Variants in HOOK1 observed in about 807,000 individuals in gnomAD.
HOOK1 encodes the protein hook microtubule tethering protein 1, also known as protein Hook homolog 1.
Under a neutral mutation model 112.8 loss-of-function variants are expected in HOOK1, and 60 were observed. That is an observed-to-expected ratio of 0.53 (90% CI 0.43 to 0.66). The LOEUF is 0.66. Among genes scored for constraint, HOOK1 ranks in the 30% least tolerant of loss-of-function variants. The pLI is 0.00. For synonymous variants in HOOK1, 294 were observed against 283.8 expected (o/e 1.04, Z -0.36); for missense variants, 770 against 856.0 (o/e 0.90, Z 1.25).
intron 9 of HOOK1, among the ~76,000 whole-genome samples, chr1:59,845,205 A>G (rs2098403054): frequency 6.6e-6 from 1 of 151,826 alleles, no homozygotes; most frequent in African/African-American, 2.4e-5. Flanking sequence ...CCTCTTTCAT[A>G]AGAGCACTAA....
chr1:59,853,536 G>C (rs1325902824), intron 12 of HOOK1, among the ~76,000 whole-genome samples: 1 of 151,594 alleles, frequency 6.6e-6, no homozygotes, highest in East Asian at 1.9e-4. Context: ...ATTTTTAATC[G>C]ATTCTGCCAG....
intron 7 of HOOK1, among the ~76,000 whole-genome samples, 191 bp from the exon 8 acceptor site, chr1:59,840,117 C>T (rs538022157): frequency 7.9e-5 from 12 of 152,110 alleles, no homozygotes; most frequent in African/African-American, 2.4e-4. Context: ...ATTTTCACAT[C>T]GATGTTCATC....
intron 21 of HOOK1, among the ~76,000 whole-genome samples, chr1:59,871,691 G>A (rs1016268519): frequency 5.9e-5 from 9 of 152,194 alleles, no homozygotes; most frequent in African/African-American, 1.9e-4. Context: ...ATTTCATGAT[G>A]TATATGGTTC....
chr1:59,871,131 T>C, intron 21 of HOOK1, 21 bp downstream of exon 21: 2 of 1,564,758 alleles, frequency 1.3e-6, no homozygotes, highest in Non-Finnish European at 1.8e-6. Context: ...GTTCAGCAAA[T>C]GATTGGATGA....
At chr1:59,833,814 G>A (rs1415976843) in intron 5 of HOOK1, among the ~76,000 whole-genome samples, 4 of 152,096 alleles carry the variant, frequency 2.6e-5, no homozygotes, top group African/African-American at 9.7e-5. Context: ...TTAGTGGATA[G>A]TCAATAAAAA....
chr1:59,863,375 A>C (rs1437288007), intron 16 of HOOK1, among the ~76,000 whole-genome samples: 1 of 152,178 alleles, frequency 6.6e-6, no homozygotes, highest in African/African-American at 2.4e-5. Context: ...GAAGGACAGA[A>C]ACTTTAATGC....
At chr1:59,842,415 G>A (rs1303958770) in intron 8 of HOOK1, among the ~76,000 whole-genome samples, 1 of 152,080 alleles carries the variant, frequency 6.6e-6, no homozygotes, top group African/African-American at 2.4e-5. Context: ...AGGCATGGAT[G>A]CATGCATTGA....
intron 7 of HOOK1, among the ~76,000 whole-genome samples, chr1:59,840,066 T>C (rs888728554): frequency 2.0e-5 from 3 of 152,192 alleles, no homozygotes; most frequent in African/African-American, 7.2e-5. Flanking sequence ...GATAAGCTTT[T>C]TGAGTGCTGC....
chr1:59,846,592 T>TCCCTCCCTCCTC (rs374267510), intron 9 of HOOK1, among the ~76,000 whole-genome samples: 2 of 43,348 alleles, frequency 4.6e-5, no homozygotes, highest in African/African-American at 2.5e-4. Flanking sequence ...CCTTCCTCCC[T>TCCCTCCCTCCTC]CCTCCCTCCC....
chr1:59,828,716 C>T, intron 2 of HOOK1, 64 bp from the exon 3 acceptor site: 1 of 1,395,484 alleles, frequency 7.2e-7, no homozygotes, highest in Non-Finnish European at 1.0e-6. Flanking sequence ...TCTGTTGGCT[C>T]TATTTAATTT....
In HOOK1 at chr1:59,865,917, A is replaced by C; in HGVS notation, c.1790A>C (p.Glu597Ala). Reference sequence around the variant, plus strand: ...GAAGCTGCTCTTCAGAAGAAAGATGAAGATATGAAAGCAATGGAGGAAAGA... The same window carrying C: ...GAAGCTGCTCTTCAGAAGAAAGATGCAGATATGAAAGCAATGGAGGAAAGA... ...ELEAALQKKD[E>A]DMKAMEERYK... Residue 597 changes from glutamate (E) to alanine (A), a missense_variant, in exon 19 of 22, where the codon GAA becomes GCA. Glu to Ala is a moderately radical substitution (Grantham distance 107). Transcript: ENST00000371208. The C allele has an allele frequency of 6.3e-7, 1 of 1,597,610 alleles. No individual in the cohort carries two copies. The highest frequency in any genetic ancestry group is 8.5e-7 in the Non-Finnish European group (1 of 1,172,406).
chr1:59,869,393 C>G (rs772605994), intron 20 of HOOK1, among the ~76,000 whole-genome samples: 1 of 152,002 alleles, frequency 6.6e-6, no homozygotes, highest in Non-Finnish European at 1.5e-5. Context: ...GGTTTTGCCA[C>G]GTTGGCCAGG....
intron 6 of HOOK1, 148 bp downstream of exon 6, chr1:59,835,560 A>C (rs2098397009): frequency 5.4e-6 from 3 of 559,882 alleles, no homozygotes; most frequent in South Asian, 5.3e-5. Flanking sequence ...TTTTACCCCC[A>C]AAAATATTTT....
In HOOK1 at chr1:59,862,787, G is replaced by A; in HGVS notation, c.1536G>A (p.Leu512=). The A allele has an allele frequency of 6.2e-7, 1 of 1,604,702 alleles. No homozygotes were observed. The highest frequency in any genetic ancestry group is 1.7e-5 in the Admixed American group (1 of 59,970). Residue 512 remains leucine (L), a synonymous_variant, in exon 16 of 22, where the codon CTG becomes CTA. Transcript: ENST00000371208. ...KMNELETEQR[L]SKERIRELQQ... ...CTTATGACCCATCTTACAATAGGCT[G>A]AGCAAAGAGCGTATTAGAGAATTGC...
chr1:59,828,607 T>C (rs547256051), intron 2 of HOOK1, among the ~76,000 whole-genome samples, 173 bp from the exon 3 acceptor site: 2 of 152,306 alleles, frequency 1.3e-5, no homozygotes, highest in South Asian at 4.1e-4. Flanking sequence ...AAATTGAAGG[T>C]GCAAATAACT....
intron 2 of HOOK1, 77 bp from the exon 3 acceptor site, chr1:59,828,703 T>C (rs2098391695): frequency 1.6e-6 from 2 of 1,215,124 alleles, no homozygotes; most frequent in African/African-American, 1.5e-5. Context: ...TAAAGTAACT[T>C]TCTCTGTTGG....
intron 15 of HOOK1, among the ~76,000 whole-genome samples, chr1:59,862,408 G>T (rs567202661): frequency 2.0e-5 from 3 of 152,006 alleles, no homozygotes; most frequent in African/African-American, 7.3e-5. Flanking sequence ...CTTCCAATAC[G>T]CTGTGAAATC....
rs201206553 is a variant in HOOK1, at chr1:59,868,269, C to T, written c.1865C>T (p.Pro622Leu). Reference sequence around the variant, plus strand: ...AAACAGGTAATAAAAACTTTGGATCCCAAGTTAAATCCAGCATCAGCTGAA... The same window carrying T: ...AAACAGGTAATAAAAACTTTGGATCTCAAGTTAAATCCAGCATCAGCTGAA... ...KARNVIKTLD[P>L]KLNPASAEIM... The change falls in exon 20 of 22, where the codon CCC becomes CTC. Residue 622 changes from proline to leucine, a missense_variant. By Grantham distance (98) the Pro-to-Leu change is moderately conservative. Transcript: ENST00000371208. 372 of 1,603,666 alleles carry T rather than the reference C, an allele frequency of 2.3e-4. No individual in the cohort carries two copies. Among genetic ancestry groups the T allele is most frequent in the Non-Finnish European group, 2.5e-4 (292 of 1,172,468 alleles).
At chr1:59,849,813 C>T (rs572349981) in intron 12 of HOOK1, among the ~76,000 whole-genome samples, 13 of 151,666 alleles carry the variant, frequency 8.6e-5, no homozygotes, top group East Asian at 5.8e-4. Flanking sequence ...TTTTTATTGC[C>T]GAATAATGCC....
Sources: allele counts gnomAD v4.1 joint callset (sites outside exome capture counted in the v4.1 genomes callset), GRCh38; gene constraint gnomAD v4.1.1; transcripts MANE v1.5; gene names NCBI Gene and HGNC (gene_info 2026-07-23, HGNC 2026-07-21).